POLH: variants seen among roughly 807,000 people sequenced by gnomAD.
POLH encodes the protein DNA polymerase eta, also known as DNA polymerase eta transcript.
POLH carries 53 observed loss-of-function variants against 73.6 expected under a neutral mutation model. The ratio of observed to expected loss-of-function variants is 0.72; its 90% CI spans 0.58 to 0.91. The LOEUF (loss-of-function observed/expected upper bound fraction) is 0.91, where lower values mean the gene tolerates loss of function less well. Ranked by LOEUF, POLH falls within the 40% of genes least tolerant of loss-of-function variation. The pLI, the probability that POLH is intolerant of heterozygous loss-of-function variation, is 0.00. For synonymous variants in POLH, 292 were observed against 308.5 expected (o/e 0.95, Z 0.56); for missense variants, 768 against 865.4 (o/e 0.89, Z 1.41).
Position 43,616,060 on chromosome 6 carries a change from G to T in POLH, c.*1503G>T, listed in dbSNP as rs1356058457. On this transcript the variant is annotated 3_prime_UTR_variant, in exon 11 of 11. Transcript: ENST00000372236. Reference sequence around the variant, plus strand: ...TCCCAGCACTTTGGGAGGCCGAGGCGGGCGGATCACAAGGTCAGGAGATCG... The same window carrying T: ...TCCCAGCACTTTGGGAGGCCGAGGCTGGCGGATCACAAGGTCAGGAGATCG... Among the ~76,000 whole-genome samples, 1 of 152,078 alleles carries T rather than the reference G, an allele frequency of 6.6e-6. No homozygotes were observed. Among genetic ancestry groups the T allele is most frequent in the East Asian group, 1.9e-4 (1 of 5,148 alleles).
chr6:43,614,447 T>C lies in POLH; in HGVS notation c.2032T>C (p.Ser678Pro), dbSNP rs1207316135. ...AAACCCCCAGGTTGTTTCTGCCGTA[T>C]CTCATCAAGGCAAAAGAAATCCCAA... The part of the protein sequence containing the change: ...SSNPQVVSAV[S>P]HQGKRNPKSP... Residue 678 changes from serine to proline, a missense_variant, in exon 11 of 11, where the codon TCT becomes CCT. Coordinates refer to ENST00000372236, the MANE Select transcript of POLH (RefSeq NM_006502.3). 1.9e-6 allele frequency: 3 copies of C among 1,614,014 alleles called. No individual in the cohort carries two copies. The highest frequency in any genetic ancestry group is 1.7e-5 in the Admixed American group (1 of 60,000).
At chr6:43,604,584 TCACC>T (rs776550429) in intron 7 of POLH, 27 bp from the exon 8 acceptor site, 5 of 1,609,124 alleles carry the variant, frequency 3.1e-6, no homozygotes, top group Non-Finnish European at 4.3e-6. Context: ...TCATTTAATT[TCACC>T]TTAACGTTTT....
intron 4 of POLH, among the ~76,000 whole-genome samples, chr6:43,597,304 G>A (rs1471330170): frequency 6.6e-6 from 1 of 152,028 alleles, no homozygotes; most frequent in African/African-American, 2.4e-5. Context: ...TAGTAGAGAC[G>A]GAGTTTTGCC....
At position 43,597,958 on chromosome 6, in the gene POLH, C is replaced by T; in HGVS notation, c.660+93C>T. On this transcript the variant is annotated intron_variant, in intron 5 of 10. Transcript: ENST00000372236. The stretch of plus-strand genomic sequence containing the variant: ...GGACATTGAAATTATTACACATAGG[C>T]CGGGTGCAGTTTCGCACGCCTATGT... The T allele has an allele frequency of 3.4e-6, 4 of 1,176,580 alleles. No homozygotes were observed. In the South Asian group the frequency reaches 4.9e-5, roughly 14 times the overall value. 72.9% of individuals were successfully genotyped at this position (1,176,580 alleles called of 1,614,324 possible).
chr6:43,590,202 C>CA (rs1181904617), intron 4 of POLH, among the ~76,000 whole-genome samples: 1 of 151,424 alleles, frequency 6.6e-6, no homozygotes, highest in African/African-American at 2.4e-5. Context: ...ACCGAAAATA[C>CA]AAAAAAACTA....
intron 4 of POLH, among the ~76,000 whole-genome samples, chr6:43,594,151 A>G (rs1487903277): frequency 1.3e-5 from 2 of 152,182 alleles, no homozygotes; most frequent in Non-Finnish European, 2.9e-5. Context: ...TTGCAACATT[A>G]CCCAATCTGG....
In POLH at chr6:43,587,375, C is replaced by T. The variant is rs121908563; in HGVS notation, c.376C>T (p.Gln126Ter). Residue 126 changes from glutamine to a stop codon, truncating the protein, a stop_gained, in exon 4 of 11, where the codon CAA (glutamine) becomes TAA (stop). Coordinates refer to ENST00000372236, the MANE Select transcript of POLH (RefSeq NM_006502.3). LOFTEE classifies it high-confidence loss of function. The part of the protein sequence containing the change: ...EAYVDLTSAV[Q>*]ERLQKLQGQP... ...TTACGTAGATCTGACCAGTGCTGTA[C>T]AAGAGAGACTACAAAAGCTACAAGG... 1 of 1,614,036 alleles carries T rather than the reference C, an allele frequency of 6.2e-7. No individual in the cohort carries two copies. Among genetic ancestry groups the T allele is most frequent in the Non-Finnish European group, 8.5e-7 (1 of 1,179,862 alleles).
At chr6:43,609,638 A>G (rs1767667657) in intron 9 of POLH, among the ~76,000 whole-genome samples, 1 of 152,192 alleles carries the variant, frequency 6.6e-6, no homozygotes, top group Non-Finnish European at 1.5e-5. Context: ...TCTTCTCTAG[A>G]TAAGCTGTAA....
In POLH at chr6:43,614,609, C is replaced by A. The variant is rs781413953; in HGVS notation, c.*52C>A. The A allele has an allele frequency of 7.8e-6, 11 of 1,401,744 alleles. No individual in the cohort carries two copies. The allele number at this position is 1,401,744 out of a possible 1,614,324, so 86.8% of individuals were successfully genotyped here. The stretch of plus-strand genomic sequence containing the variant: ...TTTAATATTTTTTATCTTTACAGAT[C>A]TTTATCTTTAATATTTTATCTTTAC... On this transcript the variant is annotated 3_prime_UTR_variant, in exon 11 of 11. Coordinates refer to ENST00000372236, the MANE Select transcript of POLH (RefSeq NM_006502.3).
At chr6:43,594,565 G>C (rs1022335097) in intron 4 of POLH, among the ~76,000 whole-genome samples, 1 of 152,000 alleles carries the variant, frequency 6.6e-6, no homozygotes, top group Non-Finnish European at 1.5e-5. Flanking sequence ...AAATTATCTG[G>C]GCCTGAAGGT....
chr6:43,586,960 T>C (rs1445526175), intron 3 of POLH, among the ~76,000 whole-genome samples: 1 of 152,232 alleles, frequency 6.6e-6, no homozygotes, highest in Non-Finnish European at 1.5e-5. Context: ...ATACACAAAT[T>C]TGAGGCATTT....
chr6:43,612,708 T>C (rs764407298), intron 10 of POLH, among the ~76,000 whole-genome samples: 1 of 152,084 alleles, frequency 6.6e-6, no homozygotes, highest in Non-Finnish European at 1.5e-5. Flanking sequence ...GACTAATCTG[T>C]ACATAAAAGC....
intron 3 of POLH, among the ~76,000 whole-genome samples, chr6:43,583,416 A>C (rs1156375570): frequency 1.3e-5 from 2 of 152,214 alleles, no homozygotes; most frequent in African/African-American, 4.8e-5. Context: ...CTTAATACCA[A>C]TTCCCATGTT....
chr6:43,619,362 CTCAAAAAAAAAAAA>C lies in POLH; in HGVS notation c.*4806_*4819del. 1.3e-5 allele frequency among the ~76,000 whole-genome samples: 1 copy of C among 76,066 alleles called. No homozygotes were observed. The highest frequency in any genetic ancestry group is 6.4e-5 in the African/African-American group (1 of 15,690). 49.9% of individuals were successfully genotyped at this position (76,066 alleles called of 152,430 possible). A position where few individuals can be genotyped will look rare whatever the true frequency, so the allele number is the denominator to read the frequency against. ...CCTGGGTGACAGTCTGAGACCCTGT[CTCAAAAAAAAAAAA>C]AAAAAAAAAAAAAAAAAAGACTACA... On this transcript the variant is annotated 3_prime_UTR_variant, in exon 11 of 11. Transcript: ENST00000372236.
chr6:43,609,500 CCTT>C (rs1238710766), intron 9 of POLH, among the ~76,000 whole-genome samples: 1 of 152,200 alleles, frequency 6.6e-6, no homozygotes, highest in East Asian at 1.9e-4. Context: ...AGAATTTTCA[CCTT>C]CTTATATTTC....
At position 43,603,556 on chromosome 6, in the gene POLH, G is replaced by A. The variant is rs116530990; in HGVS notation, c.765-336G>A. Among the ~76,000 whole-genome samples the A allele has an allele frequency of 2.8e-3, 423 of 152,142 alleles. 2 individuals carry two copies. Among genetic ancestry groups the A allele is most frequent in the African/African-American group, 9.6e-3 (399 of 41,502 alleles). On this transcript the variant is annotated intron_variant, in intron 6 of 10. Coordinates refer to ENST00000372236, the MANE Select transcript of POLH (RefSeq NM_006502.3). Reference sequence around the variant, plus strand: ...TCATAGGTGTGAGCCATTGTGCCTGGCCAGATTATATATTCTTAAGTAAAG... The same window carrying A: ...TCATAGGTGTGAGCCATTGTGCCTGACCAGATTATATATTCTTAAGTAAAG...
intron 1 of POLH, among the ~76,000 whole-genome samples, chr6:43,580,668 T>C (rs1408422278): frequency 3.5e-4 from 44 of 127,424 alleles, no homozygotes; most frequent in African/African-American, 8.4e-4. Context: ...GCAGGGGGGC[T>C]GACCCCCCCA....
At chr6:43,607,700 A>G (rs1224207591) in intron 9 of POLH, among the ~76,000 whole-genome samples, 1 of 152,144 alleles carries the variant, frequency 6.6e-6, no homozygotes, top group Admixed American at 6.5e-5. Flanking sequence ...AGAGGGTTCC[A>G]ATTTTTCCAC....
chr6:43,617,782 G>A lies in POLH; in HGVS notation c.*3225G>A, dbSNP rs566903053. Among the ~76,000 whole-genome samples the A allele has an allele frequency of 1.4e-3, 215 of 152,234 alleles. No individual in the cohort carries two copies. Among genetic ancestry groups the A allele is most frequent in the Middle Eastern group, 0.01 (3 of 294 alleles). On this transcript the variant is annotated 3_prime_UTR_variant, in exon 11 of 11. Coordinates refer to ENST00000372236, the MANE Select transcript of POLH (RefSeq NM_006502.3). ...GTCTCTACTGAAAATACAACTGGGC[G>A]TGGTGGTGCACGCCTGTAGTCCCAG... is the stretch of plus-strand genomic sequence containing the variant.
Sources: allele counts gnomAD v4.1 joint callset (sites outside exome capture counted in the v4.1 genomes callset), GRCh38; gene constraint gnomAD v4.1.1; transcripts MANE v1.5; gene names NCBI Gene and HGNC (gene_info 2026-07-23, HGNC 2026-07-21).